SMYD2: variants seen among roughly 807,000 people sequenced by gnomAD.
SMYD2 encodes SET and MYND domain containing 2.
In SMYD2, 53 loss-of-function variants were observed where a neutral mutation model predicts 59.1. That is an observed-to-expected ratio of 0.90 (90% CI 0.72 to 1.13). SMYD2 has a LOEUF of 1.13. Among genes scored for constraint, SMYD2 ranks in the 50% most tolerant of loss-of-function variants. SMYD2 has a pLI of 0.00. For synonymous variants in SMYD2, 208 were observed against 198.8 expected, an observed-to-expected ratio of 1.05 and a Z score of -0.39; for missense variants, 494 against 544.7, an observed-to-expected ratio of 0.91 and a Z score of 0.93.
intron 1 of SMYD2, among the ~76,000 whole-genome samples, chr1:214,283,734 C>T (rs1656486141): frequency 6.6e-6 from 1 of 152,118 alleles, no homozygotes; most frequent in African/African-American, 2.4e-5. Context: ...AATGTTCATA[C>T]TTACAGGTCA....
At chr1:214,321,377 GATT>G (rs576256372) in intron 5 of SMYD2, among the ~76,000 whole-genome samples, 36 of 151,910 alleles carry the variant, frequency 2.4e-4, no homozygotes, top group Non-Finnish European at 4.3e-4. Flanking sequence ...TACATTTTGA[GATT>G]ATTTGTGTTC....
chr1:214,326,670 A>C (rs1252038546), intron 6 of SMYD2, among the ~76,000 whole-genome samples: 1 of 152,162 alleles, frequency 6.6e-6, no homozygotes, highest in Non-Finnish European at 1.5e-5. Flanking sequence ...GCCATAGGCC[A>C]TAGCCAGCCT....
chr1:214,281,459 G>A (rs758563080), intron 1 of SMYD2, 32 bp downstream of exon 1: 3 of 1,350,516 alleles, frequency 2.2e-6, no homozygotes, highest in Non-Finnish European at 1.9e-6. Context: ...CGGCGGGCGG[G>A]AGCCGGGGGC....
intron 1 of SMYD2, among the ~76,000 whole-genome samples, chr1:214,290,206 A>C (rs987438722): frequency 6.6e-6 from 1 of 152,242 alleles, no homozygotes; most frequent in Admixed American, 6.5e-5. Flanking sequence ...TTTAGCAGGA[A>C]AATAATACAA....
Position 214,318,031 on chromosome 1 carries a change from T to A in SMYD2, c.349-48T>A. ...AAGTGAAAGTGCCACTTTATTACAC[T>A]GGTTGTTAAAAAATCTGTATCTGTG... is the stretch of plus-strand genomic sequence containing the variant. On this transcript the variant is annotated intron_variant, in intron 3 of 11. Coordinates refer to ENST00000366957, the MANE Select transcript of SMYD2 (RefSeq NM_020197.3). The surrounding 1 kb of genome is among the most constrained non-coding windows in gnomAD (Gnocchi z 5.4). The A allele has an allele frequency of 6.5e-7, 1 of 1,533,362 alleles. No homozygotes were observed. The highest frequency in any genetic ancestry group is 9.0e-7 in the Non-Finnish European group (1 of 1,109,404). 95.0% of individuals were successfully genotyped at this position (1,533,362 alleles called of 1,614,324 possible). A position where few individuals can be genotyped will look rare whatever the true frequency, so the allele number is the denominator to read the frequency against.
intron 3 of SMYD2, among the ~76,000 whole-genome samples, chr1:214,315,558 A>G (rs1158990897): frequency 6.6e-6 from 1 of 152,188 alleles, no homozygotes; most frequent in Non-Finnish European, 1.5e-5. Context: ...CTTACGCTCA[A>G]AGAGTGAGGA....
At chr1:214,297,949 AC>A (rs2102458780) in intron 1 of SMYD2, among the ~76,000 whole-genome samples, 1 of 152,150 alleles carries the variant, frequency 6.6e-6, no homozygotes, top group East Asian at 1.9e-4. Flanking sequence ...GATTGGAAGA[AC>A]CAATATTGTT....
At chr1:214,302,840 G>T (rs7514145) in intron 1 of SMYD2, among the ~76,000 whole-genome samples, 1,598 of 152,220 alleles carry the variant, frequency 0.01, 33 homozygotes, top group African/African-American at 0.036. Context: ...AAGAAAACCT[G>T]TATTAATCCT....
rs1656898077 is a variant in SMYD2, at chr1:214,305,247, T to G, written c.234T>G (p.Cys78Trp). 2 of 1,614,066 alleles carry G rather than the reference T, an allele frequency of 1.2e-6. No individual in the cohort carries two copies. The highest frequency in any genetic ancestry group is 1.6e-4 in the Middle Eastern group (1 of 6,084). ...AGGCATTTTACTGCAATGTGGAGTG[T>G]CAGGTAGGTGCTGGGCCATTGGCAG... is the stretch of plus-strand genomic sequence containing the variant. ...CKQAFYCNVE[C>W]QKEDWPMHKL... is the part of the protein sequence containing the mutation. Residue 78 changes from cysteine (C) to tryptophan (W), a missense_variant, in exon 2 of 12, where the codon TGT (cysteine) becomes TGG (tryptophan). By Grantham distance (215) the Cys-to-Trp change is radical. Coordinates refer to ENST00000366957, the MANE Select transcript of SMYD2 (RefSeq NM_020197.3).
intron 5 of SMYD2, 123 bp from the exon 6 acceptor site, chr1:214,324,518 G>T (rs6695148): frequency 0.3 from 251,382 of 829,188 alleles, 41,456 homozygotes; most frequent in Non-Finnish European, 0.34. Flanking sequence ...AAAAGAAAGG[G>T]TTTAAAACCA....
intron 1 of SMYD2, among the ~76,000 whole-genome samples, chr1:214,287,300 C>T (rs1656563747): frequency 6.6e-6 from 1 of 151,688 alleles, no homozygotes; most frequent in Non-Finnish European, 1.5e-5. Flanking sequence ...TTAAGCTGGC[C>T]TATTGGCTGG....
At chr1:214,325,854 G>A (rs1403662905) in intron 6 of SMYD2, among the ~76,000 whole-genome samples, 1 of 149,156 alleles carries the variant, frequency 6.7e-6, no homozygotes, top group Admixed American at 6.7e-5. Context: ...CACTGAAGAA[G>A]GCGTGTATTG....
At chr1:214,315,312 G>A (rs1486701237) in intron 3 of SMYD2, among the ~76,000 whole-genome samples, 1 of 152,110 alleles carries the variant, frequency 6.6e-6, no homozygotes, top group Non-Finnish European at 1.5e-5. Context: ...TTTCTTGCCT[G>A]TGCATAGGCA....
rs540050883 is a variant in SMYD2 at position 214,324,962 on chromosome 1, G to A, written c.602+254G>A. ...CTGTTATTAAAGAATATTTTATAGC[G>A]CGCATAGAAGGAACAGCTCATGCCC... On this transcript the variant is annotated intron_variant, in intron 6 of 11. Coordinates refer to ENST00000366957, the MANE Select transcript of SMYD2 (RefSeq NM_020197.3). Among the ~76,000 whole-genome samples, 11 of 152,300 alleles carry A rather than the reference G, an allele frequency of 7.2e-5. No homozygotes were observed. The South Asian group carries it at 1.5e-3, about 20-fold the overall frequency.
chr1:214,324,388 C>T (rs988110738), intron 5 of SMYD2, among the ~76,000 whole-genome samples: 16 of 152,108 alleles, frequency 1.1e-4, no homozygotes, highest in African/African-American at 2.7e-4. Context: ...GGGTCTTTGG[C>T]GTGCCTGGAC....
chr1:214,307,395 C>G (rs1451179308), intron 2 of SMYD2, among the ~76,000 whole-genome samples: 4 of 152,324 alleles, frequency 2.6e-5, no homozygotes, highest in Non-Finnish European at 5.9e-5. Context: ...TCAGGCTAGA[C>G]TAAAGCTTAG....
At chr1:214,298,481 A>G (rs750119603) in intron 1 of SMYD2, among the ~76,000 whole-genome samples, 1 of 152,244 alleles carries the variant, frequency 6.6e-6, no homozygotes, top group East Asian at 1.9e-4. Context: ...CATTCTGGAC[A>G]TTGGCCTTGG....
intron 6 of SMYD2, among the ~76,000 whole-genome samples, chr1:214,326,472 AT>A (rs1657263982): frequency 1.3e-5 from 2 of 152,014 alleles, no homozygotes; most frequent in African/African-American, 4.8e-5. Flanking sequence ...GCATTTGTTT[AT>A]TTGATTTCCT....
chr1:214,327,508 T>A lies in SMYD2; in HGVS notation c.603-114T>A, dbSNP rs953373015. On this transcript the variant is annotated intron_variant, in intron 6 of 11. Transcript: ENST00000366957. ...ATGTGATAGCCAACTATTAGATTTTTAAAAAATGTCTTGCAAAGATTCAGT... is the reference window on the plus strand; with the variant it reads ...ATGTGATAGCCAACTATTAGATTTTAAAAAAATGTCTTGCAAAGATTCAGT... The A allele has an allele frequency of 2.0e-5, 17 of 847,624 alleles. No homozygotes were observed. In the Middle Eastern group the frequency reaches 6.9e-4, roughly 34 times the overall value. 52.5% of individuals were successfully genotyped at this position (847,624 alleles called of 1,614,324 possible). A position where few individuals can be genotyped will look rare whatever the true frequency, so the allele number is the denominator to read the frequency against.
Sources: gnomAD v4.1 joint callset for allele counts (sites outside exome capture counted in the v4.1 genomes callset) on GRCh38, gnomAD v4.1.1 for gene constraint, Gnocchi (gnomAD v3.1) non-coding constraint, MANE v1.5 for transcripts, NCBI Gene and HGNC (gene_info 2026-07-23, HGNC 2026-07-21) for gene names.